ANO10: variants seen among roughly 807,000 people sequenced by gnomAD.
The protein encoded by ANO10 is anoctamin 10.
ANO10 carries 77 observed loss-of-function variants against 74.7 expected under a neutral mutation model. The observed-to-expected ratio is 1.03, with a 90% CI of 0.86 to 1.25. ANO10 has a LOEUF of 1.25. Among genes scored for constraint, ANO10 ranks in the 50% most tolerant of loss-of-function variants. The pLI, the probability that ANO10 is intolerant of heterozygous loss-of-function variation, is 0.00. For missense variants in ANO10, 721 were observed against 778.1 expected, an observed-to-expected ratio of 0.93 and a Z score of 0.87; for synonymous variants, 279 against 284.9, an observed-to-expected ratio of 0.98 and a Z score of 0.21.
intron 11 of ANO10, among the ~76,000 whole-genome samples, chr3:43,511,816 C>T (rs901832829): frequency 1.3e-5 from 2 of 152,184 alleles, no homozygotes; most frequent in African/African-American, 4.8e-5. Flanking sequence ...GAAATCATGC[C>T]TGTGGGGTAA....
intron 11 of ANO10, among the ~76,000 whole-genome samples, chr3:43,522,438 A>C (rs937005785): frequency 4.6e-5 from 7 of 152,170 alleles, no homozygotes; most frequent in African/African-American, 1.7e-4. Context: ...GACTTTCATC[A>C]TGTCATTGCA....
intron 12 of ANO10, among the ~76,000 whole-genome samples, chr3:43,409,342 G>A (rs2092627941): frequency 6.6e-6 from 1 of 152,004 alleles, no homozygotes; most frequent in Non-Finnish European, 1.5e-5. Context: ...GAGTCCAGGT[G>A]TTCAAGATCA....
chr3:43,683,508 G>A (rs374838194), intron 1 of ANO10, among the ~76,000 whole-genome samples: 9,174 of 152,094 alleles, frequency 0.06, 452 homozygotes, highest in South Asian at 0.12. Context: ...TACTGCCCGA[G>A]GTAATTTATA....
chr3:43,446,801 G>A (rs1339532734), intron 11 of ANO10, among the ~76,000 whole-genome samples: 1 of 152,088 alleles, frequency 6.6e-6, no homozygotes, highest in Non-Finnish European at 1.5e-5. Flanking sequence ...ATTTATCCTA[G>A]CTATTCTGAA....
chr3:43,385,797 T>C (rs77431211), intron 12 of ANO10, among the ~76,000 whole-genome samples: 14,204 of 151,812 alleles, frequency 0.094, 895 homozygotes, highest in Non-Finnish European at 0.14. Context: ...GATAAAAGAC[T>C]ACACATTGGG....
Position 43,437,865 on chromosome 3 carries a change from GA to G in ANO10, c.1798-5139del, listed in dbSNP as rs572553231. 8.6e-3 allele frequency among the ~76,000 whole-genome samples: 934 copies of G among 108,974 alleles called. 13 individuals are homozygous for G. The highest frequency in any genetic ancestry group is 0.029 in the African/African-American group (848 of 29,262). The allele number at this position is 108,974 out of a possible 152,430, so 71.5% of individuals were successfully genotyped here. A position where few individuals can be genotyped will look rare whatever the true frequency, so the allele number is the denominator to read the frequency against. ...GCCAGCAAAAAACAAAAGGGCATCT[GA>G]AAAAAAAAAACAAAAAAAAACAAGG... On this transcript the variant is annotated intron_variant, in intron 11 of 12. Transcript: ENST00000292246.
At chr3:43,617,446 G>A (rs968741837) in intron 1 of ANO10, among the ~76,000 whole-genome samples, 1 of 152,080 alleles carries the variant, frequency 6.6e-6, no homozygotes, top group Non-Finnish European at 1.5e-5. Context: ...ATGAGACAGC[G>A]ATCCCAAATT....
At chr3:43,658,579 C>T (rs1174012105) in intron 1 of ANO10, among the ~76,000 whole-genome samples, 3 of 152,086 alleles carry the variant, frequency 2.0e-5, no homozygotes, top group South Asian at 2.1e-4. Context: ...AAGCGATTCT[C>T]CTGCCTCAGC....
At chr3:43,650,387 G>A (rs906248754) in intron 1 of ANO10, among the ~76,000 whole-genome samples, 2 of 152,112 alleles carry the variant, frequency 1.3e-5, no homozygotes, top group African/African-American at 2.4e-5. Context: ...TCTGAAAACC[G>A]AGAAAAACCA....
intron 12 of ANO10, among the ~76,000 whole-genome samples, chr3:43,418,054 G>A (rs181508319): frequency 4.1e-4 from 63 of 152,290 alleles, no homozygotes; most frequent in African/African-American, 1.3e-3. Context: ...TGAGGCAGGC[G>A]GATCACAAGG....
intron 9 of ANO10, among the ~76,000 whole-genome samples, chr3:43,556,140 C>A (rs2079736998): frequency 6.6e-6 from 1 of 152,096 alleles, no homozygotes; most frequent in South Asian, 2.1e-4. Flanking sequence ...CTTAAATATA[C>A]CCAGTGACAT....
At chr3:43,436,812 C>A (rs527941312) in intron 11 of ANO10, among the ~76,000 whole-genome samples, 2 of 152,110 alleles carry the variant, frequency 1.3e-5, no homozygotes, top group Non-Finnish European at 2.9e-5. Context: ...ATGATATGAT[C>A]CATAGTAGTA....
At chr3:43,396,910 A>G (rs2092392689) in intron 12 of ANO10, among the ~76,000 whole-genome samples, 1 of 148,778 alleles carries the variant, frequency 6.7e-6, no homozygotes, top group Non-Finnish European at 1.5e-5. Flanking sequence ...CATCCAGTGT[A>G]TTTTTTTGTC....
rs151074497 is a variant in ANO10 at position 43,608,372 on chromosome 3, G to T, written c.-11-2509C>A. Reference sequence around the variant, plus strand: ...ATACAAAAATTGACCCTGAGACAGGGTCTCACTCTTTTGCCCAGGCTGGAG... The same window carrying T: ...ATACAAAAATTGACCCTGAGACAGGTTCTCACTCTTTTGCCCAGGCTGGAG... On this transcript the variant is annotated intron_variant, in intron 1 of 12. Transcript: ENST00000292246. Among the ~76,000 whole-genome samples, 485 of 152,188 alleles carry T rather than the reference G, an allele frequency of 3.2e-3. 3 individuals carry two copies. The highest frequency in any genetic ancestry group is 9.4e-3 in the African/African-American group (390 of 41,522).
intron 1 of ANO10, among the ~76,000 whole-genome samples, chr3:43,618,258 G>A (rs2083219280): frequency 6.6e-6 from 1 of 152,172 alleles, no homozygotes; most frequent in Non-Finnish European, 1.5e-5. Flanking sequence ...GTACAGGAGA[G>A]GTGAGACACA....
At chr3:43,630,150 T>G (rs1457977966) in intron 1 of ANO10, among the ~76,000 whole-genome samples, 1 of 152,198 alleles carries the variant, frequency 6.6e-6, no homozygotes, top group African/African-American at 2.4e-5. Flanking sequence ...TGCCATATGT[T>G]GATGCTAGAT....
intron 7 of ANO10, among the ~76,000 whole-genome samples, chr3:43,568,529 TCTCA>T (rs1322658998): frequency 2.7e-4 from 40 of 148,568 alleles, no homozygotes; most frequent in Admixed American, 5.4e-4. Context: ...GGATTAAGAA[TCTCA>T]CTCAAAACCG....
At chr3:43,552,407 T>C (rs1053042959) in intron 10 of ANO10, among the ~76,000 whole-genome samples, 2 of 152,048 alleles carry the variant, frequency 1.3e-5, no homozygotes, top group African/African-American at 4.8e-5. Context: ...AAAATTTTTT[T>C]CTACATATAT....
Position 43,406,201 on chromosome 3 carries a change from G to A in ANO10, c.1914+26410C>T, listed in dbSNP as rs999738172. The stretch of plus-strand genomic sequence containing the variant: ...ACTCCGTGCCATCTTCCAGCACCTC[G>A]GGAACAGGCCTCCAGGATGACGCCA... On this transcript the variant is annotated intron_variant, in intron 12 of 12. Coordinates refer to ENST00000292246, the MANE Select transcript of ANO10 (RefSeq NM_018075.5). Among the ~76,000 whole-genome samples the A allele has an allele frequency of 2.0e-5, 3 of 152,220 alleles. No homozygotes were observed. In the East Asian group the frequency reaches 5.8e-4, roughly 29 times the overall value.
Sources: gnomAD v4.1 joint callset for allele counts (sites outside exome capture counted in the v4.1 genomes callset) on GRCh38, gnomAD v4.1.1 for gene constraint, MANE v1.5 for transcripts, NCBI Gene and HGNC (gene_info 2026-07-23, HGNC 2026-07-21) for gene names.